The following RAP1GDS1 variants were observed in gnomAD, a reference collection of about 807,000 sequenced individuals.
The protein encoded by RAP1GDS1 is Rap1 GTPase-GDP dissociation stimulator 1.
RAP1GDS1 carries 35 observed loss-of-function variants against 71.1 expected under a neutral mutation model. That is an observed-to-expected ratio of 0.49 (90% CI 0.38 to 0.65). RAP1GDS1 has a LOEUF of 0.65. Ranked by LOEUF, RAP1GDS1 falls within the 30% of genes least tolerant of loss-of-function variation. The probability of loss-of-function intolerance (pLI) is 0.00; values close to 1 mark genes in which losing one functional copy is unlikely to be tolerated. For synonymous variants in RAP1GDS1, 229 were observed against 243.1 expected, an observed-to-expected ratio of 0.94 and a Z score of 0.54; for missense variants, 663 against 706.1, an observed-to-expected ratio of 0.94 and a Z score of 0.69.
chr4:98,336,521 A>G (rs569432184), intron 2 of RAP1GDS1, among the ~76,000 whole-genome samples: 6 of 152,310 alleles, frequency 3.9e-5, no homozygotes, highest in African/African-American at 1.4e-4. Flanking sequence ...GAGTCTCACA[A>G]CTTAGTTTTT....
In RAP1GDS1 at chr4:98,434,026, C is replaced by G; in HGVS notation, c.1531C>G (p.Leu511Val). 1 of 1,613,750 alleles carries G rather than the reference C, an allele frequency of 6.2e-7. No homozygotes were observed. The highest frequency in any genetic ancestry group is 8.5e-7 in the Non-Finnish European group (1 of 1,179,780). Reference protein sequence around the residue: ...SEHVIMQNEALVALALIAALE... With the variant: ...SEHVIMQNEAVVALALIAALE... ...ACATGTAATAATGCAGAATGAAGCT[C>G]TTGTTGCTTTGGCATTAATAGCAGC... The change falls in exon 13 of 15, where the codon CTT becomes GTT. Residue 511 changes from leucine to valine, a missense_variant. Transcript: ENST00000408927.
chr4:98,379,283 AATTAATAATTAGCCAAC>A, intron 5 of RAP1GDS1, 120 bp downstream of exon 5: 1 of 988,746 alleles, frequency 1.0e-6, no homozygotes, highest in Non-Finnish European at 1.4e-6. Flanking sequence ...TGGCATATAA[AATTAATAATTAGCCAAC>A]ATTAAATTTC....
chr4:98,319,374 A>G (rs1731429067), intron 2 of RAP1GDS1, among the ~76,000 whole-genome samples: 1 of 152,188 alleles, frequency 6.6e-6, no homozygotes, highest in East Asian at 1.9e-4. Flanking sequence ...AATTTTCTCA[A>G]GATATATGGT....
At chr4:98,423,646 G>GTGA (rs553055154) in intron 12 of RAP1GDS1, among the ~76,000 whole-genome samples, 126 of 152,222 alleles carry the variant, frequency 8.3e-4, no homozygotes, top group African/African-American at 2.9e-3. Context: ...CCGGGATCAA[G>GTGA]TGATTCTCCT....
chr4:98,315,934 A>C (rs1224248378), intron 2 of RAP1GDS1, among the ~76,000 whole-genome samples: 1 of 152,200 alleles, frequency 6.6e-6, no homozygotes, highest in Non-Finnish European at 1.5e-5. Context: ...AAATCTTTAG[A>C]GTTCCAGGGC....
chr4:98,412,912 C>A (rs559405773), intron 7 of RAP1GDS1, among the ~76,000 whole-genome samples: 2 of 151,978 alleles, frequency 1.3e-5, no homozygotes, highest in Admixed American at 1.3e-4. Context: ...GATCACAAGG[C>A]AAGGGCAAAG....
At chr4:98,330,917 A>G (rs1733907332) in intron 2 of RAP1GDS1, among the ~76,000 whole-genome samples, 1 of 152,226 alleles carries the variant, frequency 6.6e-6, no homozygotes, top group Non-Finnish European at 1.5e-5. Flanking sequence ...AGAGGCTGCA[A>G]TCTCAGCACT....
At chr4:98,350,252 TA>T (rs1282113971) in intron 3 of RAP1GDS1, among the ~76,000 whole-genome samples, 2 of 152,220 alleles carry the variant, frequency 1.3e-5, no homozygotes, top group Non-Finnish European at 1.5e-5. Flanking sequence ...AATAATAAGA[TA>T]AACAAGTTTT....
At chr4:98,328,384 A>T (rs902673965) in intron 2 of RAP1GDS1, among the ~76,000 whole-genome samples, 2 of 152,228 alleles carry the variant, frequency 1.3e-5, no homozygotes, top group African/African-American at 4.8e-5. Context: ...CACCTTGGGA[A>T]AAACCGTCTA....
At chr4:98,396,403 G>A (rs146081850) in intron 6 of RAP1GDS1, 1 of 152,168 alleles carries the variant, frequency 6.6e-6, no homozygotes, top group Non-Finnish European at 1.5e-5. Context: ...GATTTCTCTG[G>A]TATACAGGGA....
chr4:98,310,848 AATTTTATCTG>A (rs1187070769), intron 2 of RAP1GDS1, among the ~76,000 whole-genome samples: 3 of 152,098 alleles, frequency 2.0e-5, no homozygotes, highest in African/African-American at 7.2e-5. Flanking sequence ...ATCAAAACTT[AATTTTATCTG>A]TTTCTTTTTA....
intron 7 of RAP1GDS1, among the ~76,000 whole-genome samples, chr4:98,414,940 T>A (rs202189613): frequency 2.7e-5 from 4 of 150,826 alleles, no homozygotes; most frequent in Admixed American, 1.3e-4. Flanking sequence ...ACATCCCTTG[T>A]AAGTTGGATT....
chr4:98,436,615 G>T (rs886642479), intron 13 of RAP1GDS1, among the ~76,000 whole-genome samples: 2 of 152,152 alleles, frequency 1.3e-5, no homozygotes, highest in African/African-American at 4.8e-5. Context: ...TCTTTAAGGT[G>T]ATAAGTGCAT....
rs1721955122 is a variant in RAP1GDS1 at position 98,261,484 on chromosome 4, G to T, written c.-82G>T. Reference sequence around the variant, plus strand: ...CTCCCTGGCTGCGGGAGAGACGGAGGTAGAGGGAGGACACAGAGCCGCGCC... The same window carrying T: ...CTCCCTGGCTGCGGGAGAGACGGAGTTAGAGGGAGGACACAGAGCCGCGCC... On this transcript the variant is annotated 5_prime_UTR_variant, in exon 1 of 15. Coordinates refer to ENST00000408927, the MANE Select transcript of RAP1GDS1 (RefSeq NM_001100427.2). The T allele has an allele frequency of 1.4e-6, 2 of 1,445,996 alleles. No individual in the cohort carries two copies. The highest frequency in any genetic ancestry group is 1.9e-6 in the Non-Finnish European group (2 of 1,063,024). The allele number at this position is 1,445,996 out of a possible 1,614,324, so 89.6% of individuals were successfully genotyped here.
At chr4:98,342,948 G>A (rs565365276) in intron 2 of RAP1GDS1, among the ~76,000 whole-genome samples, 191 bp from the exon 3 acceptor site, 65 of 149,868 alleles carry the variant, frequency 4.3e-4, no homozygotes, top group Non-Finnish European at 7.6e-4. Flanking sequence ...GTTTTGTGCC[G>A]ATTAAAACTC....
intron 1 of RAP1GDS1, among the ~76,000 whole-genome samples, chr4:98,274,592 C>T (rs1301179839): frequency 6.6e-6 from 1 of 152,170 alleles, no homozygotes; most frequent in Non-Finnish European, 1.5e-5. Flanking sequence ...TTGTCACCAT[C>T]AGTTGCAACA....
At chr4:98,421,194 G>A (rs1403333924) in intron 11 of RAP1GDS1, 61 bp from the exon 12 acceptor site, 17 of 1,464,610 alleles carry the variant, frequency 1.2e-5, no homozygotes, top group South Asian at 1.0e-4. Flanking sequence ...AAATCTGTAC[G>A]AATTATTTCA....
At chr4:98,397,179 A>AT (rs144620552) in intron 6 of RAP1GDS1, among the ~76,000 whole-genome samples, 5 of 151,724 alleles carry the variant, frequency 3.3e-5, no homozygotes, top group South Asian at 2.1e-4. Context: ...TAACCATGGA[A>AT]TTTTTTTTTG....
intron 2 of RAP1GDS1, among the ~76,000 whole-genome samples, chr4:98,334,484 T>C (rs1206726872): frequency 1.3e-5 from 2 of 152,222 alleles, no homozygotes; most frequent in Non-Finnish European, 2.9e-5. Context: ...GCCAGTCTGA[T>C]TTGCTTGACT....
Sources: gnomAD v4.1 joint callset for allele counts (sites outside exome capture counted in the v4.1 genomes callset) on GRCh38, gnomAD v4.1.1 for gene constraint, MANE v1.5 for transcripts, NCBI Gene and HGNC (gene_info 2026-07-23, HGNC 2026-07-21) for gene names.